Variants in MYO7A observed in about 807,000 individuals in gnomAD.
MYO7A encodes myosin VIIA.
A neutral mutation model predicts 263.8 loss-of-function variants in MYO7A; 210 were observed. That is an observed-to-expected ratio of 0.80 (90% confidence interval 0.71 to 0.89). The LOEUF is 0.89. Ranked by LOEUF, MYO7A falls within the 40% of genes least tolerant of loss-of-function variation. The pLI, the probability that MYO7A is intolerant of heterozygous loss-of-function variation, is 0.00. For synonymous variants in MYO7A, 1,239 were observed against 1,197.3 expected (o/e 1.03, Z -0.72); for missense variants, 2,820 against 2,968.3 (o/e 0.95, Z 1.16).
At chr11:77,185,027 A>G in intron 27 of MYO7A, 1 of 520,380 alleles carries the variant, frequency 1.9e-6, no homozygotes, top group Non-Finnish European at 3.5e-6. Flanking sequence ...TAAAAGTCAT[A>G]TTTATACTAT....
intron 4 of MYO7A, among the ~76,000 whole-genome samples, chr11:77,148,290 G>C (rs1951728895): frequency 1.3e-5 from 2 of 152,254 alleles, no homozygotes; most frequent in Non-Finnish European, 2.9e-5. Flanking sequence ...CCATGCACAG[G>C]AGGGCAGCTC....
chr11:77,184,724 CGGGAG>C lies in MYO7A; in HGVS notation c.3503+11_3503+15del. Reference sequence around the variant, plus strand: ...CTGCGGCCAGCACTCCGGTCAGTGCCGGGAGGCGGGGACACCAGGGCCTGAAAGTC... The same window carrying C: ...CTGCGGCCAGCACTCCGGTCAGTGCCGCGGGGACACCAGGGCCTGAAAGTC... On this transcript the variant is annotated intron_variant, in intron 27 of 48. Transcript: ENST00000409709. The C allele has an allele frequency of 6.4e-7, 1 of 1,553,964 alleles. No homozygotes were observed. The highest frequency in any genetic ancestry group is 1.9e-5 in the Admixed American group (1 of 53,628).
intron 39 of MYO7A, among the ~76,000 whole-genome samples, chr11:77,205,141 A>G (rs920063126): frequency 1.3e-4 from 20 of 152,220 alleles, no homozygotes; most frequent in Non-Finnish European, 1.8e-4. Flanking sequence ...ACAAACAAAA[A>G]GCCTCAGCTG....
At chr11:77,192,838 G>A (rs965120617) in intron 31 of MYO7A, among the ~76,000 whole-genome samples, 58 of 151,250 alleles carry the variant, frequency 3.8e-4, no homozygotes, top group Non-Finnish European at 7.8e-4. Flanking sequence ...GGTGGTGATG[G>A]TGGAGGTAGT....
rs1555054697 is a variant in MYO7A at position 77,147,846 on chromosome 11, C to G, written c.181C>G (p.Pro61Ala). Residue 61 changes from proline (P) to alanine (A), a missense_variant, in exon 4 of 49, where the codon CCC becomes GCC. By Grantham distance (27) the Pro-to-Ala change is conservative. Transcript: ENST00000409709. ...QNATHIKPMH[P>A]TSVHGVEDMI... Reference sequence around the variant, plus strand: ...CGCAACGCACATCAAGCCTATGCACCCCACGTCGGTCCACGGCGTGGAGGA... The same window carrying G: ...CGCAACGCACATCAAGCCTATGCACGCCACGTCGGTCCACGGCGTGGAGGA... The G allele has an allele frequency of 6.2e-7, 1 of 1,609,854 alleles. No homozygotes were observed. The highest frequency in any genetic ancestry group is 8.5e-7 in the Non-Finnish European group (1 of 1,178,718).
chr11:77,192,449 C>T (rs780393388), intron 31 of MYO7A, among the ~76,000 whole-genome samples, 171 bp downstream of exon 31: 3 of 152,092 alleles, frequency 2.0e-5, no homozygotes, highest in African/African-American at 4.8e-5. Flanking sequence ...TCAGGGGGCT[C>T]GTGAGGAGAG....
intron 4 of MYO7A, among the ~76,000 whole-genome samples, chr11:77,148,569 C>T (rs961529050): frequency 5.3e-5 from 8 of 152,094 alleles, no homozygotes; most frequent in Non-Finnish European, 7.4e-5. Context: ...AATAAGGGCC[C>T]GTGGAGATCA....
At chr11:77,178,306 C>G (rs1297398739) in intron 19 of MYO7A, among the ~76,000 whole-genome samples, 2 of 112,512 alleles carry the variant, frequency 1.8e-5, no homozygotes, top group African/African-American at 6.6e-5. Context: ...CCCACACATT[C>G]ATCCATCAAT....
chr11:77,213,116 C>T (rs1957980928), intron 47 of MYO7A, 81 bp downstream of exon 47: 1 of 1,092,140 alleles, frequency 9.2e-7, no homozygotes, highest in Admixed American at 2.1e-5. Flanking sequence ...ACCCCACAAG[C>T]CCTCCTAGCC....
rs375883645 is a variant in MYO7A at position 77,205,504 on chromosome 11, G to A, written c.5523G>A (p.Thr1841=). Residue 1841 remains threonine, a synonymous_variant, in exon 40 of 49, where the codon ACG becomes ACA. Coordinates refer to ENST00000409709, the MANE Select transcript of MYO7A (RefSeq NM_000260.4). ...GTTGGGAGCTGCTCTGGCTGTGCAC[G>A]GGCCTTTTCCCACCCAGCAACATCC... ...ERGWELLWLC[T]GLFPPSNILL... is the part of the protein sequence containing the mutation. 5.1e-5 allele frequency: 81 copies of A among 1,597,162 alleles called. No individual in the cohort carries two copies. The highest frequency in any genetic ancestry group is 1.6e-4 in the Middle Eastern group (1 of 6,062).
At chr11:77,192,965 ATGG>A (rs1175646445) in intron 31 of MYO7A, among the ~76,000 whole-genome samples, 15 of 11,084 alleles carry the variant, frequency 1.4e-3, no homozygotes, top group Admixed American at 4.4e-3. Flanking sequence ...GGTGTTGGTG[ATGG>A]TGGAGGTAGT....
At position 77,138,788 on chromosome 11, in the gene MYO7A, G is replaced by A. The variant is rs531183395; in HGVS notation, c.19-3921G>A. Among the ~76,000 whole-genome samples, 1 of 152,296 alleles carries A rather than the reference G, an allele frequency of 6.6e-6. No individual in the cohort carries two copies. Among genetic ancestry groups the A allele is most frequent in the Admixed American group, 6.5e-5 (1 of 15,298 alleles). ...GATGGAAGAGAAAGCTAGGCCCACT[G>A]GTCTCCTCTCCAAACTATGTTTAGC... On this transcript the variant is annotated intron_variant, in intron 2 of 48. Coordinates refer to ENST00000409709, the MANE Select transcript of MYO7A (RefSeq NM_000260.4). This position sits in a 1 kb window ranked among gnomAD's most constrained non-coding sequence, Gnocchi z 4.9.
chr11:77,166,297 A>T, intron 15 of MYO7A, 135 bp downstream of exon 15: 2 of 761,852 alleles, frequency 2.6e-6, no homozygotes, highest in Non-Finnish European at 4.5e-6. Flanking sequence ...CTGTGGCTCC[A>T]GGAGGGGCCT....
At chr11:77,153,759 T>G (rs961110332) in intron 4 of MYO7A, among the ~76,000 whole-genome samples, 1 of 152,172 alleles carries the variant, frequency 6.6e-6, no homozygotes, top group Non-Finnish European at 1.5e-5. Flanking sequence ...TTCACGCCTC[T>G]GTGCTTGCTA....
chr11:77,193,031 T>TTGTTTGTGATGGTGGAGGTAGTGATGG (rs1956282307), intron 31 of MYO7A, among the ~76,000 whole-genome samples: 1 of 91,174 alleles, frequency 1.1e-5, no homozygotes, highest in African/African-American at 1.0e-4. Context: ...AGCGATGGTG[T>TTGTTTGTGATGGTGGAGGTAGTGATGG]TGTTGGTGAT....
chr11:77,142,690 G>T lies in MYO7A; in HGVS notation c.19-19G>T. ...CCCCCTCCCTGCTCACCTGGGCTGA[G>T]ACTCTCTCTCGCCCATAGGGGGACC... is the stretch of plus-strand genomic sequence containing the variant. On this transcript the variant is annotated intron_variant, in intron 2 of 48. Transcript: ENST00000409709. 6.3e-7 allele frequency: 1 copy of T among 1,589,632 alleles called. No homozygotes were observed. Among genetic ancestry groups the T allele is most frequent in the Non-Finnish European group, 8.6e-7 (1 of 1,165,020 alleles).
intron 4 of MYO7A, among the ~76,000 whole-genome samples, chr11:77,155,127 T>C (rs1952325598): frequency 6.6e-6 from 1 of 152,206 alleles, no homozygotes; most frequent in Non-Finnish European, 1.5e-5. Context: ...GAAGTAACCC[T>C]GAGTGCCTCA....
At position 77,203,232 on chromosome 11, in the gene MYO7A, G is replaced by A; in HGVS notation, c.5326+15G>A. ...GGCCTTCATTGATATCCGTGCCACT[G>A]GGCTGTGCCCAGGGGAGCCAGGGAC... On this transcript the variant is annotated intron_variant, in intron 38 of 48. Transcript: ENST00000409709. 6.5e-7 allele frequency: 1 copy of A among 1,550,172 alleles called. No individual in the cohort carries two copies. The highest frequency in any genetic ancestry group is 2.4e-5 in the East Asian group (1 of 41,160).
chr11:77,156,941 G>A lies in MYO7A; in HGVS notation c.672G>A (p.Arg224=), dbSNP rs1217675475. The change falls in exon 7 of 49, where the codon CGG becomes CGA. Residue 224 remains arginine (R), a synonymous_variant. Coordinates refer to ENST00000409709, the MANE Select transcript of MYO7A (RefSeq NM_000260.4). The part of the protein sequence containing the change: ...GKYIDIHFNK[R]GAIEGAKIEQ... ...ACATCGACATCCACTTCAACAAGCG[G>A]GGCGCCATCGAGGGCGCGAAGATTG... 1 of 1,613,894 alleles carries A rather than the reference G, an allele frequency of 6.2e-7. No individual in the cohort carries two copies. Among genetic ancestry groups the A allele is most frequent in the Non-Finnish European group, 8.5e-7 (1 of 1,179,908 alleles).
Sources: gnomAD v4.1 joint callset for allele counts (sites outside exome capture counted in the v4.1 genomes callset) on GRCh38, gnomAD v4.1.1 for gene constraint, Gnocchi (gnomAD v3.1) non-coding constraint, MANE v1.5 for transcripts, NCBI Gene and HGNC (gene_info 2026-07-23, HGNC 2026-07-21) for gene names.